NEUROG3: variants seen among roughly 807,000 people sequenced by gnomAD.
NEUROG3 encodes neurogenin 3.
For synonymous variants in NEUROG3, 161 were observed against 139.2 expected, an observed-to-expected ratio of 1.16 and a Z score of -1.10; for missense variants, 307 against 297.9, an observed-to-expected ratio of 1.03 and a Z score of -0.22.
chr10:69,573,290 C>A lies in NEUROG3; in HGVS notation c.-82G>T. The A allele has an allele frequency of 1.7e-6, 1 of 577,156 alleles. No homozygotes were observed. The highest frequency in any genetic ancestry group is 3.0e-6 in the Non-Finnish European group (1 of 329,468). The allele number at this position is 577,156 out of a possible 1,614,324, so 35.8% of individuals were successfully genotyped here. ...TCAGCGGGCTTCTGGTCGCCAAGTT[C>A]AGCTGAGCTGCAGGCGCCCCCGCCT... On this transcript the variant is annotated 5_prime_UTR_variant, in exon 1 of 2. Transcript: ENST00000242462.
Position 69,572,470 on chromosome 10 carries a change from G to A in NEUROG3, c.574C>T (p.Pro192Ser), listed in dbSNP as rs1418223729. The A allele has an allele frequency of 6.3e-6, 10 of 1,590,574 alleles. No individual in the cohort carries two copies. In the South Asian group the frequency reaches 7.9e-5, roughly 13 times the overall value. The change falls in exon 2 of 2, where the codon CCC becomes TCC. Residue 192 changes from proline to serine, a missense_variant. Pro to Ser is a moderately conservative substitution (Grantham distance 74, BLOSUM62 -1). Transcript: ENST00000242462. ...LSPAASLEER[P>S]GLLGATFSAC... ...GAAAAGGTGGCCCCCAGCAGCCCGG[G>A]TCGCTCCTCCAGCGACGCGGCGGGA...
chr10:69,572,819 C>T lies in NEUROG3; in HGVS notation c.225G>A (p.Leu75=). 4.3e-6 allele frequency: 7 copies of T among 1,612,646 alleles called. No homozygotes were observed. Among genetic ancestry groups the T allele is most frequent in the Non-Finnish European group, 5.9e-6 (7 of 1,179,404 alleles). The change falls in exon 2 of 2, where the codon TTG becomes TTA. Residue 75 remains leucine, a synonymous_variant. Coordinates refer to ENST00000242462, the MANE Select transcript of NEUROG3 (RefSeq NM_020999.4). ...RGGRSRPKSE[L]ALSKQRRSRR... ...GACTCCGTCGCTGCTTGCTCAGTGC[C>T]AACTCGCTCTTAGGCCGGCTGCGTC...
In NEUROG3 at chr10:69,572,234, G is replaced by A. The variant is rs1346719298; in HGVS notation, c.*165C>T. On this transcript the variant is annotated 3_prime_UTR_variant, in exon 2 of 2. Coordinates refer to ENST00000242462, the MANE Select transcript of NEUROG3 (RefSeq NM_020999.4). ...CTCGGAGGGCCGGGGAATGAACCCAGCCTGCCGCCCCCGTGGAGGCCTGGG... is the reference window on the plus strand; with the variant it reads ...CTCGGAGGGCCGGGGAATGAACCCAACCTGCCGCCCCCGTGGAGGCCTGGG... 2.6e-6 allele frequency: 2 copies of A among 783,086 alleles called. No homozygotes were observed. Among genetic ancestry groups the A allele is most frequent in the Non-Finnish European group, 4.0e-6 (2 of 501,158 alleles). 48.5% of individuals were successfully genotyped at this position (783,086 alleles called of 1,614,324 possible).
Position 69,572,277 on chromosome 10 carries a change from A to G in NEUROG3, c.*122T>C, listed in dbSNP as rs1839220410. Reference sequence around the variant, plus strand: ...GGCCTGGGCCGGCCAGGGGTCAGCCAGGGAGAAGCAGAAGGAACAAGTGCT... The same window carrying G: ...GGCCTGGGCCGGCCAGGGGTCAGCCGGGGAGAAGCAGAAGGAACAAGTGCT... On this transcript the variant is annotated 3_prime_UTR_variant, in exon 2 of 2. Coordinates refer to ENST00000242462, the MANE Select transcript of NEUROG3 (RefSeq NM_020999.4). 1.7e-6 allele frequency: 2 copies of G among 1,176,048 alleles called. No individual in the cohort carries two copies. The highest frequency in any genetic ancestry group is 2.4e-6 in the Non-Finnish European group (2 of 833,186). The allele number at this position is 1,176,048 out of a possible 1,614,324, so 72.9% of individuals were successfully genotyped here.
At position 69,572,501 on chromosome 10, in the gene NEUROG3, G is replaced by T. The variant is rs761619145; in HGVS notation, c.543C>A (p.Ser181Arg). 3 of 1,592,562 alleles carry T rather than the reference G, an allele frequency of 1.9e-6. No individual in the cohort carries two copies. The highest frequency in any genetic ancestry group is 2.7e-5 in the African/African-American group (2 of 74,354). Residue 181 changes from serine (S) to arginine (R), a missense_variant, in exon 2 of 2, where the codon AGC (serine) becomes AGA (arginine). Physicochemically the swap from Ser to Arg is moderately radical, Grantham distance 110 (BLOSUM62 -1). Coordinates refer to ENST00000242462, the MANE Select transcript of NEUROG3 (RefSeq NM_020999.4). Reference protein sequence around the residue: ...SLYSPVSQAGSLSPAASLEER... With the variant: ...SLYSPVSQAGRLSPAASLEER... ...CCTCCAGCGACGCGGCGGGACTCAG[G>T]CTGCCAGCCTGGGAGACTGGGGAGT...
rs750686014 is a variant in NEUROG3, at chr10:69,572,823, T to A, written c.221A>T (p.Glu74Val). The change falls in exon 2 of 2, where the codon GAG becomes GTG. Residue 74 changes from glutamate to valine, a missense_variant. Physicochemically the swap from Glu to Val is moderately radical, Grantham distance 121. Coordinates refer to ENST00000242462, the MANE Select transcript of NEUROG3 (RefSeq NM_020999.4). ...CCGTCGCTGCTTGCTCAGTGCCAACTCGCTCTTAGGCCGGCTGCGTCCCCC... is the reference window on the plus strand; with the variant it reads ...CCGTCGCTGCTTGCTCAGTGCCAACACGCTCTTAGGCCGGCTGCGTCCCCC... ...RRGGRSRPKS[E>V]LALSKQRRSR... The A allele has an allele frequency of 2.4e-5, 38 of 1,612,136 alleles. 1 individual carries two copies. In the East Asian group the frequency reaches 8.5e-4, roughly 36 times the overall value.
chr10:69,572,937 G>A lies in NEUROG3; in HGVS notation c.107C>T (p.Pro36Leu), dbSNP rs1261995783. 11 of 1,612,742 alleles carry A rather than the reference G, an allele frequency of 6.8e-6. No homozygotes were observed. Among genetic ancestry groups the A allele is most frequent in the South Asian group, 5.5e-5 (5 of 91,056 alleles). Residue 36 changes from proline to leucine, a missense_variant, in exon 2 of 2, where the codon CCG becomes CTG. Pro to Leu is a moderately conservative substitution (Grantham distance 98, BLOSUM62 -3). Coordinates refer to ENST00000242462, the MANE Select transcript of NEUROG3 (RefSeq NM_020999.4). Reference sequence around the variant, plus strand: ...CCCCCGTGTGCGAGTGGGGCTGGGCGGGGCGGACGTGGGGCAGGTCACTTC... The same window carrying A: ...CCCCCGTGTGCGAGTGGGGCTGGGCAGGGCGGACGTGGGGCAGGTCACTTC... Reference protein sequence around the residue: ...EDEVTCPTSAPPSPTRTRGNC... With the variant: ...EDEVTCPTSALPSPTRTRGNC...
rs770935946 is a variant in NEUROG3 at position 69,572,473 on chromosome 10, G to A, written c.571C>T (p.Arg191Ter). 13 of 1,589,744 alleles carry A rather than the reference G, an allele frequency of 8.2e-6. No homozygotes were observed. The highest frequency in any genetic ancestry group is 1.1e-5 in the Non-Finnish European group (13 of 1,169,034). The change falls in exon 2 of 2, where the codon CGA becomes TGA. Residue 191 changes from arginine (R) to a stop codon, truncating the protein, a stop_gained. Coordinates refer to ENST00000242462, the MANE Select transcript of NEUROG3 (RefSeq NM_020999.4). LOFTEE classifies it low-confidence loss of function (END_TRUNC). ...AAGGTGGCCCCCAGCAGCCCGGGTC[G>A]CTCCTCCAGCGACGCGGCGGGACTC... is the stretch of plus-strand genomic sequence containing the variant. ...SLSPAASLEERPGLLGATFSA... is the reference protein window; with the variant it reads ...SLSPAASLEE
At position 69,573,006 on chromosome 10, in the gene NEUROG3, A is replaced by G; in HGVS notation, c.38T>C (p.Val13Ala). The G allele has an allele frequency of 6.2e-7, 1 of 1,613,714 alleles. No individual in the cohort carries two copies. Among genetic ancestry groups the G allele is most frequent in the East Asian group, 2.2e-5 (1 of 44,846 alleles). ...GAAGGACCGCTCCGTCTCACGGGTCACTTGGACAGTGGGCGCACCCGAGGG... is the reference window on the plus strand; with the variant it reads ...GAAGGACCGCTCCGTCTCACGGGTCGCTTGGACAGTGGGCGCACCCGAGGG... ...PQPSGAPTVQVTRETERSFPR... is the reference protein window; with the variant it reads ...PQPSGAPTVQATRETERSFPR... The change falls in exon 2 of 2, where the codon GTG (valine) becomes GCG (alanine). Residue 13 changes from valine (V) to alanine (A), a missense_variant. Val to Ala is a moderately conservative substitution (Grantham distance 64, BLOSUM62 0). Transcript: ENST00000242462.
rs1839242930 is a variant in NEUROG3, at chr10:69,573,229, AAT to A, written c.-23_-22del. 1.5e-6 allele frequency: 1 copy of A among 672,422 alleles called. No individual in the cohort carries two copies. The highest frequency in any genetic ancestry group is 1.8e-5 in the African/African-American group (1 of 55,034). The allele number at this position is 672,422 out of a possible 1,614,324, so 41.7% of individuals were successfully genotyped here. A position where few individuals can be genotyped will look rare whatever the true frequency, so the allele number is the denominator to read the frequency against. ...TATTACCTTTCTACCGGCGCAAAAG[AAT>A]AGAGAGCGATGAGCAGCGAGGGCCG... is the stretch of plus-strand genomic sequence containing the variant. On this transcript the variant is annotated 5_prime_UTR_variant, in exon 1 of 2. Coordinates refer to ENST00000242462, the MANE Select transcript of NEUROG3 (RefSeq NM_020999.4).
In NEUROG3 at chr10:69,572,529, A is replaced by C. The variant is rs756430814; in HGVS notation, c.515T>G (p.Leu172Arg). 1.2e-6 allele frequency: 2 copies of C among 1,602,226 alleles called. No individual in the cohort carries two copies. The highest frequency in any genetic ancestry group is 1.7e-6 in the Non-Finnish European group (2 of 1,174,524). ...GCCAGCCTGGGAGACTGGGGAGTAG[A>C]GGGACCCCCAGTCCCCGGGGGAACC... ...PGGSPGDWGS[L>R]YSPVSQAGSL... The change falls in exon 2 of 2, where the codon CTC (leucine) becomes CGC (arginine). Residue 172 changes from leucine (L) to arginine (R), a missense_variant. Physicochemically the swap from Leu to Arg is moderately radical, Grantham distance 102 (BLOSUM62 -2). Transcript: ENST00000242462.
Position 69,572,724 on chromosome 10 carries a change from C to T in NEUROG3, c.320G>A (p.Arg107His). Reference protein sequence around the residue: ...HNLNSALDALRGVLPTFPDDA... With the variant: ...HNLNSALDALHGVLPTFPDDA... ...GTCTGGGAAGGTGGGCAGGACACCG[C>T]GCAGGGCGTCCAGTGCCGAGTTGAG... The change falls in exon 2 of 2, where the codon CGC becomes CAC. Residue 107 changes from arginine (R) to histidine (H), a missense_variant. Arg to His is a conservative substitution (Grantham distance 29, BLOSUM62 0). Coordinates refer to ENST00000242462, the MANE Select transcript of NEUROG3 (RefSeq NM_020999.4). The T allele has an allele frequency of 6.2e-7, 1 of 1,614,144 alleles. No individual in the cohort carries two copies. The highest frequency in any genetic ancestry group is 8.5e-7 in the Non-Finnish European group (1 of 1,179,974).
At position 69,572,326 on chromosome 10, in the gene NEUROG3, AC is replaced by A. The variant is rs1839221468; in HGVS notation, c.*72del. Reference sequence around the variant, plus strand: ...CTTTTGAGGGCCGCCGCCGTCGGCCACCCTCTACGGCTCCCGGCTCCCTCCC... The same window carrying A: ...CTTTTGAGGGCCGCCGCCGTCGGCCACCTCTACGGCTCCCGGCTCCCTCCC... On this transcript the variant is annotated 3_prime_UTR_variant, in exon 2 of 2. Transcript: ENST00000242462. 2 of 1,510,468 alleles carry A rather than the reference AC, an allele frequency of 1.3e-6. No homozygotes were observed. Among genetic ancestry groups the A allele is most frequent in the South Asian group, 2.4e-5 (2 of 83,940 alleles). The allele number at this position is 1,510,468 out of a possible 1,614,324, so 93.6% of individuals were successfully genotyped here.
chr10:69,572,831 A>C lies in NEUROG3; in HGVS notation c.213T>G (p.Pro71=), dbSNP rs780092827. 1.2e-6 allele frequency: 2 copies of C among 1,611,472 alleles called. No homozygotes were observed. Among genetic ancestry groups the C allele is most frequent in the Non-Finnish European group, 1.7e-6 (2 of 1,178,956 alleles). Residue 71 remains proline, a synonymous_variant, in exon 2 of 2, where the codon CCT becomes CCG. Transcript: ENST00000242462. ...GCTTGCTCAGTGCCAACTCGCTCTT[A>C]GGCCGGCTGCGTCCCCCGCGCCGTG... ...LRARRGGRSR[P]KSELALSKQR... is the part of the protein sequence containing the mutation.
Position 69,572,537 on chromosome 10 carries a change from C to T in NEUROG3, c.507G>A (p.Trp169Ter). 6.2e-7 allele frequency: 1 copy of T among 1,605,496 alleles called. No individual in the cohort carries two copies. The highest frequency in any genetic ancestry group is 8.5e-7 in the Non-Finnish European group (1 of 1,176,146). ...GGGAGACTGGGGAGTAGAGGGACCC[C>T]CAGTCCCCGGGGGAACCGCCTGGGC... ...LGSPGGSPGDWGSLYSPVSQA... is the reference protein window; with the variant it reads ...LGSPGGSPGD Residue 169 changes from tryptophan to a stop codon, truncating the protein, a stop_gained, in exon 2 of 2, where the codon TGG becomes TGA. Coordinates refer to ENST00000242462, the MANE Select transcript of NEUROG3 (RefSeq NM_020999.4). LOFTEE classifies it low-confidence loss of function (END_TRUNC).
rs969278453 is a variant in NEUROG3 at position 69,572,685 on chromosome 10, G to C, written c.359C>G (p.Thr120Ser). ...LPTFPDDAKL[T>S]KIETLRFAHN... is the part of the protein sequence containing the mutation. ...GGCGAAGCGCAGCGTCTCGATCTTGGTGAGCTTCGCGTCGTCTGGGAAGGT... is the reference window on the plus strand; with the variant it reads ...GGCGAAGCGCAGCGTCTCGATCTTGCTGAGCTTCGCGTCGTCTGGGAAGGT... The change falls in exon 2 of 2, where the codon ACC (threonine) becomes AGC (serine). Residue 120 changes from threonine (T) to serine (S), a missense_variant. Physicochemically the swap from Thr to Ser is moderately conservative, Grantham distance 58. Coordinates refer to ENST00000242462, the MANE Select transcript of NEUROG3 (RefSeq NM_020999.4). The C allele has an allele frequency of 6.2e-7, 1 of 1,614,038 alleles. No homozygotes were observed. Among genetic ancestry groups the C allele is most frequent in the African/African-American group, 1.3e-5 (1 of 74,946 alleles).
At position 69,572,026 on chromosome 10, in the gene NEUROG3, A is replaced by G. The variant is rs1839215290; in HGVS notation, c.*373T>C. ...GAGGGGTGGTAAGAGACTGAGAGGCAGACAGACTTGAGTGAGGGTAGGGCG... is the reference window on the plus strand; with the variant it reads ...GAGGGGTGGTAAGAGACTGAGAGGCGGACAGACTTGAGTGAGGGTAGGGCG... On this transcript the variant is annotated 3_prime_UTR_variant, in exon 2 of 2. Coordinates refer to ENST00000242462, the MANE Select transcript of NEUROG3 (RefSeq NM_020999.4). 1 of 299,520 alleles carries G rather than the reference A, an allele frequency of 3.3e-6. No individual in the cohort carries two copies. Among genetic ancestry groups the G allele is most frequent in the Admixed American group, 4.8e-5 (1 of 20,726 alleles). 18.6% of individuals were successfully genotyped at this position (299,520 alleles called of 1,614,324 possible). A position where few individuals can be genotyped will look rare whatever the true frequency, so the allele number is the denominator to read the frequency against.
In NEUROG3 at chr10:69,571,765, C is replaced by A. The variant is rs1018124786; in HGVS notation, c.*634G>T. ...TTCGCAGGGAGGCTGGGGAGATGCT[C>A]CCTGGCCGGGCTAGCGCTTTCCCAG... is the stretch of plus-strand genomic sequence containing the variant. On this transcript the variant is annotated 3_prime_UTR_variant, in exon 2 of 2. Transcript: ENST00000242462. 6.6e-6 allele frequency: 1 copy of A among 152,260 alleles called. No homozygotes were observed. Among genetic ancestry groups the A allele is most frequent in the African/African-American group, 2.4e-5 (1 of 41,466 alleles). 9.4% of individuals were successfully genotyped at this position (152,260 alleles called of 1,614,324 possible). A position where few individuals can be genotyped will look rare whatever the true frequency, so the allele number is the denominator to read the frequency against.
Position 69,572,323 on chromosome 10 carries a change from G to T in NEUROG3, c.*76C>A, listed in dbSNP as rs924741127. 5.5e-5 allele frequency: 82 copies of T among 1,500,610 alleles called. No homozygotes were observed. Among genetic ancestry groups the T allele is most frequent in the Non-Finnish European group, 7.4e-5 (82 of 1,115,250 alleles). 93.0% of individuals were successfully genotyped at this position (1,500,610 alleles called of 1,614,324 possible). ...GTGCTTTTGAGGGCCGCCGCCGTCG[G>T]CCACCCTCTACGGCTCCCGGCTCCC... On this transcript the variant is annotated 3_prime_UTR_variant, in exon 2 of 2. Coordinates refer to ENST00000242462, the MANE Select transcript of NEUROG3 (RefSeq NM_020999.4).
Sources: gnomAD v4.1 joint callset for allele counts on GRCh38, gnomAD v4.1.1 for gene constraint, MANE v1.5 for transcripts, NCBI Gene and HGNC (gene_info 2026-07-23, HGNC 2026-07-21) for gene names.